Variants in VPS13B observed in about 807,000 individuals in gnomAD.
The protein encoded by VPS13B is vacuolar protein sorting 13 homolog B, also known as intermembrane lipid transfer protein VPS13B.
A neutral mutation model predicts 426.4 loss-of-function variants in VPS13B; 285 were observed. The observed-to-expected ratio is 0.67, with a 90% CI of 0.61 to 0.74. VPS13B has a LOEUF of 0.74. Among genes scored for constraint, VPS13B ranks in the 30% least tolerant of loss-of-function variants. VPS13B has a pLI of 0.00. For synonymous variants in VPS13B, 1,676 were observed against 1,676.4 expected (o/e 1.00, Z 0.01); for missense variants, 4,537 against 4,782.6 (o/e 0.95, Z 1.51).
intron 19 of VPS13B, among the ~76,000 whole-genome samples, chr8:99,293,155 C>A (rs1819831766): frequency 6.8e-6 from 1 of 148,010 alleles, no homozygotes; most frequent in South Asian, 2.2e-4. Flanking sequence ...TACAAGGCTA[C>A]AGTAACCAAA....
intron 54 of VPS13B, among the ~76,000 whole-genome samples, chr8:99,848,033 C>T (rs1053473915): frequency 6.6e-6 from 1 of 152,162 alleles, no homozygotes; most frequent in Non-Finnish European, 1.5e-5. Context: ...GTAATCCTGG[C>T]TGTGAACATG....
intron 3 of VPS13B, among the ~76,000 whole-genome samples, chr8:99,059,364 G>A (rs911549579): frequency 6.6e-6 from 1 of 152,100 alleles, no homozygotes; most frequent in African/African-American, 2.4e-5. Flanking sequence ...TGGTAGAGAC[G>A]GGGTTTCGCC....
At chr8:99,185,944 G>A (rs1051497622) in intron 16 of VPS13B, among the ~76,000 whole-genome samples, 3 of 151,884 alleles carry the variant, frequency 2.0e-5, no homozygotes, top group Non-Finnish European at 2.9e-5. Context: ...TTTAGTCTTC[G>A]CTACTATACA....
intron 56 of VPS13B, among the ~76,000 whole-genome samples, chr8:99,854,925 T>A (rs1816472458): frequency 6.6e-6 from 1 of 152,228 alleles, no homozygotes; most frequent in Non-Finnish European, 1.5e-5. Context: ...ATCCACTCTC[T>A]GGGGCCAGGC....
chr8:99,041,122 C>CA (rs1842945476), intron 3 of VPS13B, among the ~76,000 whole-genome samples: 1 of 152,132 alleles, frequency 6.6e-6, no homozygotes, highest in Admixed American at 6.5e-5. Flanking sequence ...TTTAGGATGA[C>CA]AGGGTGACCG....
At chr8:99,113,621 A>G (rs1357691821) in intron 6 of VPS13B, among the ~76,000 whole-genome samples, 2 of 152,002 alleles carry the variant, frequency 1.3e-5, no homozygotes, top group Non-Finnish European at 1.5e-5. Context: ...CTGGAGTGCA[A>G]TGGCATGATC....
chr8:99,296,322 C>CT (rs945343274), intron 19 of VPS13B, among the ~76,000 whole-genome samples: 26 of 152,036 alleles, frequency 1.7e-4, no homozygotes, highest in Non-Finnish European at 2.9e-4. Context: ...TTTTAATAAA[C>CT]TTTTTTTCAC....
intron 19 of VPS13B, among the ~76,000 whole-genome samples, chr8:99,303,385 T>C (rs1054075747): frequency 4.6e-5 from 7 of 151,884 alleles, no homozygotes; most frequent in African/African-American, 1.5e-4. Flanking sequence ...CCTTGATTCA[T>C]AGAGTGCTTT....
At position 99,111,231 on chromosome 8, in the gene VPS13B, T is replaced by C. The variant is rs781552547; in HGVS notation, c.714T>C (p.Leu238=). 1 of 1,602,710 alleles carries C rather than the reference T, an allele frequency of 6.2e-7. No individual in the cohort carries two copies. The highest frequency in any genetic ancestry group is 8.5e-7 in the Non-Finnish European group (1 of 1,175,720). ...ACAAATGTTCCTTCAGAACTCGTCTTCATTTTACATATGAAAACCTAAATT... is the reference window on the plus strand; with the variant it reads ...ACAAATGTTCCTTCAGAACTCGTCTCCATTTTACATATGAAAACCTAAATT... The part of the protein sequence containing the change: ...LLYKCSFRTR[L]HFTYENLNSK... The change falls in exon 6 of 62, where the codon CTT becomes CTC. Residue 238 remains leucine, a synonymous_variant. Coordinates refer to ENST00000357162, the MANE Select transcript of VPS13B (RefSeq NM_152564.5).
chr8:99,377,468 T>C (rs561278691), intron 19 of VPS13B, among the ~76,000 whole-genome samples: 1 of 152,252 alleles, frequency 6.6e-6, no homozygotes, highest in South Asian at 2.1e-4. Context: ...CTTTTTAACA[T>C]GTTTAGTGAG....
intron 39 of VPS13B, among the ~76,000 whole-genome samples, chr8:99,747,194 T>A (rs1287252673): frequency 4.6e-5 from 7 of 151,420 alleles, no homozygotes; most frequent in Non-Finnish European, 1.0e-4. Context: ...AGAGCCAGAA[T>A]GTAGAAAAAG....
Position 99,835,336 on chromosome 8 carries a change from A to G in VPS13B, c.9742+12A>G, listed in dbSNP as rs763822536. 31 of 1,606,220 alleles carry G rather than the reference A, an allele frequency of 1.9e-5. No individual in the cohort carries two copies. The highest frequency in any genetic ancestry group is 2.6e-5 in the Non-Finnish European group (30 of 1,173,194). On this transcript the variant is annotated intron_variant, in intron 53 of 61. Coordinates refer to ENST00000357162, the MANE Select transcript of VPS13B (RefSeq NM_152564.5). ...GGAAAACATTAAAGGTATGTTTTATACTATCGAATTTAGATAATACTAAAT... is the reference window on the plus strand; with the variant it reads ...GGAAAACATTAAAGGTATGTTTTATGCTATCGAATTTAGATAATACTAAAT...
intron 17 of VPS13B, among the ~76,000 whole-genome samples, chr8:99,235,220 T>C (rs1816572783): frequency 2.0e-5 from 3 of 152,208 alleles, no homozygotes; most frequent in South Asian, 2.1e-4. Flanking sequence ...TTACTACAAA[T>C]ATGTAGAGAC....
chr8:99,297,022 G>T (rs905171342), intron 19 of VPS13B, among the ~76,000 whole-genome samples: 1 of 151,960 alleles, frequency 6.6e-6, no homozygotes, highest in Admixed American at 6.6e-5. Flanking sequence ...ATATATATAT[G>T]AGGGGGAGGG....
At chr8:99,081,582 A>ACCCCCACAACAGGCCCCC (rs1845461747) in intron 3 of VPS13B, among the ~76,000 whole-genome samples, 4 of 26,746 alleles carry the variant, frequency 1.5e-4, no homozygotes, top group African/African-American at 1.4e-4. Flanking sequence ...CCCCTCCCCC[A>ACCCCCACAACAGGCCCCC]ACCCCACAAC....
At position 99,507,800 on chromosome 8, in the gene VPS13B, A is replaced by G. The variant is rs768432188; in HGVS notation, c.4224+597A>G. ...GGGAAGAGTGTTGGTCTTTGGGGCA[A>G]TGTGGAGGTGTCTTCCTTTCCTGTA... On this transcript the variant is annotated intron_variant, in intron 28 of 61. Coordinates refer to ENST00000357162, the MANE Select transcript of VPS13B (RefSeq NM_152564.5). 4.3e-6 allele frequency: 7 copies of G among 1,613,874 alleles called. No homozygotes were observed. The South Asian group carries it at 4.4e-5, about 10-fold the overall frequency.
At chr8:99,550,882 T>C (rs1824247518) in intron 30 of VPS13B, among the ~76,000 whole-genome samples, 1 of 152,088 alleles carries the variant, frequency 6.6e-6, no homozygotes, top group South Asian at 2.1e-4. Context: ...CTGAATTGTA[T>C]TGTGCTCAGA....
intron 39 of VPS13B, among the ~76,000 whole-genome samples, chr8:99,752,824 C>T (rs939005624): frequency 2.6e-5 from 4 of 152,146 alleles, no homozygotes; most frequent in African/African-American, 9.7e-5. Flanking sequence ...TCAATGATTA[C>T]ACCTTTTTAG....
chr8:99,541,788 T>C (rs575228695), intron 30 of VPS13B, among the ~76,000 whole-genome samples: 82 of 152,308 alleles, frequency 5.4e-4, no homozygotes, highest in Middle Eastern at 3.4e-3. Flanking sequence ...CCAAGTGAAA[T>C]AGGTGGTGAT....
Sources: allele counts gnomAD v4.1 joint callset (sites outside exome capture counted in the v4.1 genomes callset), GRCh38; gene constraint gnomAD v4.1.1; transcripts MANE v1.5; gene names NCBI Gene and HGNC (gene_info 2026-07-23, HGNC 2026-07-21).